Variants in TBC1D32 observed in about 807,000 individuals in gnomAD.
The protein encoded by TBC1D32 is TBC1 domain family member 32.
In TBC1D32, 151 loss-of-function variants were observed where a neutral mutation model predicts 170.3. The observed-to-expected ratio is 0.89, with a 90% confidence interval of 0.78 to 1.01. The LOEUF (loss-of-function observed/expected upper bound fraction) is 1.01, where lower values mean the gene tolerates loss of function less well. TBC1D32 is among the 50% of genes least tolerant of loss of function. The probability of loss-of-function intolerance (pLI) is 0.00; values close to 1 mark genes in which losing one functional copy is unlikely to be tolerated. For missense variants in TBC1D32, 1,464 were observed against 1,457.1 expected (o/e 1.00, Z -0.08); for synonymous variants, 498 against 488.0 (o/e 1.02, Z -0.27).
chr6:121,315,914 T>C (rs958745308), intron 3 of TBC1D32, among the ~76,000 whole-genome samples: 1 of 152,148 alleles, frequency 6.6e-6, no homozygotes, highest in Non-Finnish European at 1.5e-5. Context: ...AGGGATACCA[T>C]GCCTTCTTGA....
At chr6:121,334,546 G>A (rs1368345824), upstream of TBC1D32, 1 of 1,294,830 alleles carries the variant, frequency 7.7e-7, no homozygotes, top group Non-Finnish European at 1.0e-6. Context: ...CGTTCCCAGG[G>A]ATACCGCGGC....
intron 24 of TBC1D32, among the ~76,000 whole-genome samples, chr6:121,147,928 T>A (rs1783684322): frequency 6.6e-6 from 1 of 151,534 alleles, no homozygotes; most frequent in African/African-American, 2.4e-5. Context: ...CTTTTTTTTT[T>A]TTTTTGAGAA....
At chr6:121,193,955 TC>T (rs1353822911) in intron 22 of TBC1D32, among the ~76,000 whole-genome samples, 2 of 152,144 alleles carry the variant, frequency 1.3e-5, no homozygotes, top group Non-Finnish European at 2.9e-5. Flanking sequence ...TGAATATTTC[TC>T]CCATCCTTCC....
chr6:121,095,713 G>C (rs1166363590), intron 30 of TBC1D32, among the ~76,000 whole-genome samples: 1 of 152,122 alleles, frequency 6.6e-6, no homozygotes, highest in Non-Finnish European at 1.5e-5. Context: ...CATTAGTTCT[G>C]TTTACGTGAT....
chr6:121,252,483 A>G (rs2128387161), intron 17 of TBC1D32, among the ~76,000 whole-genome samples: 1 of 152,276 alleles, frequency 6.6e-6, no homozygotes. Context: ...AAAACCAAAC[A>G]CTGCATGTTC....
intron 26 of TBC1D32, among the ~76,000 whole-genome samples, chr6:121,124,531 G>A (rs1780629734): frequency 6.6e-6 from 1 of 151,846 alleles, no homozygotes; most frequent in Admixed American, 6.6e-5. Context: ...GAATCTAATT[G>A]TTGACCTTTG....
At chr6:121,203,756 T>A (rs1251877362) in intron 22 of TBC1D32, among the ~76,000 whole-genome samples, 2 of 151,376 alleles carry the variant, frequency 1.3e-5, no homozygotes, top group African/African-American at 4.9e-5. Flanking sequence ...CTAACCACCA[T>A]ACTGCACTAT....
chr6:121,183,001 A>C (rs1788731889), intron 22 of TBC1D32, among the ~76,000 whole-genome samples: 1 of 150,542 alleles, frequency 6.6e-6, no homozygotes, highest in Non-Finnish European at 1.5e-5. Flanking sequence ...GTATATTAAC[A>C]GGGAAATTTC....
chr6:121,145,193 A>G (rs1165323627), intron 24 of TBC1D32, among the ~76,000 whole-genome samples: 2 of 152,184 alleles, frequency 1.3e-5, no homozygotes, highest in African/African-American at 4.8e-5. Context: ...TTTTAAATAT[A>G]AGAGAATAAA....
chr6:121,186,349 A>G (rs9490132), intron 22 of TBC1D32, among the ~76,000 whole-genome samples: 11,200 of 152,088 alleles, frequency 0.074, 447 homozygotes, highest in South Asian at 0.15. Flanking sequence ...ATCTAGTGGT[A>G]AAAATTGATG....
At position 121,131,681 on chromosome 6, in the gene TBC1D32, G is replaced by T; in HGVS notation, c.2845C>A (p.Gln949Lys). The T allele has an allele frequency of 6.2e-7, 1 of 1,611,320 alleles. No individual in the cohort carries two copies. Among genetic ancestry groups the T allele is most frequent in the African/African-American group, 1.3e-5 (1 of 74,912 alleles). The change falls in exon 25 of 32, where the codon CAA becomes AAA. Residue 949 changes from glutamine (Q) to lysine (K), a missense_variant. Physicochemically the swap from Gln to Lys is moderately conservative, Grantham distance 53. Coordinates refer to ENST00000398212, the MANE Select transcript of TBC1D32 (RefSeq NM_152730.6). ...TTCATCATTTTGCAAAATTGTCTTT[G>T]GCAGTTTTCTATCCATTCAGTTTGT... Reference protein sequence around the residue: ...DKQTEWIENCQRQFCKMMKAK... With the variant: ...DKQTEWIENCKRQFCKMMKAK...
chr6:121,188,941 A>AAAAC, intron 22 of TBC1D32, among the ~76,000 whole-genome samples: 1 of 152,170 alleles, frequency 6.6e-6, no homozygotes, highest in South Asian at 2.1e-4. Context: ...TCCAATAGAT[A>AAAAC]AAACAAAAAC....
intron 22 of TBC1D32, among the ~76,000 whole-genome samples, chr6:121,183,863 T>G (rs920301531): frequency 1.3e-5 from 2 of 152,074 alleles, no homozygotes; most frequent in African/African-American, 4.8e-5. Context: ...TATGATTTTA[T>G]GGCTGCTATC....
chr6:121,085,279 A>G (rs1173092841), intron 31 of TBC1D32, among the ~76,000 whole-genome samples: 5 of 137,672 alleles, frequency 3.6e-5, no homozygotes, highest in Admixed American at 1.4e-4. Context: ...ATATATACGT[A>G]TATATATACA....
chr6:121,275,615 T>C (rs1027526681), intron 15 of TBC1D32, among the ~76,000 whole-genome samples: 8 of 152,042 alleles, frequency 5.3e-5, no homozygotes, highest in Non-Finnish European at 1.2e-4. Context: ...CTGACAAGAA[T>C]ATAAAAAGGA....
In TBC1D32 at chr6:121,310,677, G is replaced by C. The variant is rs980050897; in HGVS notation, c.564+102C>G. 9 of 764,438 alleles carry C rather than the reference G, an allele frequency of 1.2e-5. No homozygotes were observed. The African/African-American group carries it at 1.4e-4, about 12-fold the overall frequency. 47.4% of individuals were successfully genotyped at this position (764,438 alleles called of 1,614,324 possible). A position where few individuals can be genotyped will look rare whatever the true frequency, so the allele number is the denominator to read the frequency against. On this transcript the variant is annotated intron_variant, in intron 4 of 31. Coordinates refer to ENST00000398212, the MANE Select transcript of TBC1D32 (RefSeq NM_152730.6). ...TCCAGGATTGCCCATAATCATAAAGGCTTAGCCTCAAGGGAAACAACCTGG... is the reference window on the plus strand; with the variant it reads ...TCCAGGATTGCCCATAATCATAAAGCCTTAGCCTCAAGGGAAACAACCTGG...
At chr6:121,088,851 C>A (rs1266460762) in intron 31 of TBC1D32, among the ~76,000 whole-genome samples, 4 of 152,158 alleles carry the variant, frequency 2.6e-5, no homozygotes, top group African/African-American at 9.7e-5. Flanking sequence ...AGGCTTAGGT[C>A]ATAATCTCCT....
At chr6:121,097,267 A>G (rs964273454) in intron 30 of TBC1D32, among the ~76,000 whole-genome samples, 18 of 152,328 alleles carry the variant, frequency 1.2e-4, no homozygotes, top group Admixed American at 1.1e-3. Flanking sequence ...GGCAACCTAC[A>G]GAATGGGAAA....
intron 24 of TBC1D32, among the ~76,000 whole-genome samples, chr6:121,158,581 G>C (rs1411639090): frequency 6.6e-6 from 1 of 152,100 alleles, no homozygotes; most frequent in Non-Finnish European, 1.5e-5. Flanking sequence ...GGACACTCCA[G>C]CTTTTTGAAT....
Sources: allele counts gnomAD v4.1 joint callset (sites outside exome capture counted in the v4.1 genomes callset), GRCh38; gene constraint gnomAD v4.1.1; transcripts MANE v1.5; gene names NCBI Gene and HGNC (gene_info 2026-07-23, HGNC 2026-07-21).